Variants in ITGAM observed in about 807,000 individuals in gnomAD.
ITGAM encodes the protein integrin subunit alpha M.
In ITGAM, 79 loss-of-function variants were observed where a neutral mutation model predicts 137.5. That is an observed-to-expected ratio of 0.57 (90% confidence interval 0.48 to 0.69). ITGAM has a LOEUF of 0.69. ITGAM is among the 30% of genes least tolerant of loss of function. The pLI is 0.00. For synonymous variants in ITGAM, 583 were observed against 592.3 expected (o/e 0.98, Z 0.23); for missense variants, 1,343 against 1,483.5 (o/e 0.91, Z 1.56).
At position 31,266,131 on chromosome 16, in the gene ITGAM, C is replaced by T; in HGVS notation, c.411C>T (p.Phe137=). 6.2e-7 allele frequency: 1 copy of T among 1,613,354 alleles called. No homozygotes were observed. Among genetic ancestry groups the T allele is most frequent in the Non-Finnish European group, 8.5e-7 (1 of 1,179,570 alleles). ...ACCTACGGCAGCAGCCCCAGAAGTT[C>T]CCAGAGGCCCTCCGAGGTGGGTTGC... The part of the protein sequence containing the change: ...GSNLRQQPQK[F]PEALRGCPQE... The change falls in exon 5 of 30, where the codon TTC becomes TTT. Residue 137 remains phenylalanine (F), a synonymous_variant. Transcript: ENST00000544665.
chr16:31,295,579 A>G (rs2080124923), intron 12 of ITGAM, among the ~76,000 whole-genome samples: 1 of 151,180 alleles, frequency 6.6e-6, no homozygotes, highest in African/African-American at 2.4e-5. Flanking sequence ...TAGTTCTAGT[A>G]GTTCTTTTTT....
intron 14 of ITGAM, among the ~76,000 whole-genome samples, chr16:31,311,496 A>G (rs2080330917): frequency 6.6e-6 from 1 of 152,234 alleles, no homozygotes; most frequent in African/African-American, 2.4e-5. Context: ...ACACTTCTCA[A>G]AAGAAGACAT....
chr16:31,331,056 G>A (rs2080575365), intron 28 of ITGAM, 109 bp from the exon 29 acceptor site: 2 of 637,274 alleles, frequency 3.1e-6, no homozygotes, highest in East Asian at 2.8e-5. Context: ...GGGGTTCTGG[G>A]GGACATGAGG....
At chr16:31,267,178 C>A (rs1258043275) in intron 5 of ITGAM, among the ~76,000 whole-genome samples, 2 of 152,116 alleles carry the variant, frequency 1.3e-5, no homozygotes, top group African/African-American at 2.4e-5. Flanking sequence ...AGCCACCATG[C>A]CTGGCCAGAG....
chr16:31,330,150 A>G lies in ITGAM; in HGVS notation c.3046A>G (p.Lys1016Glu). 3.1e-6 allele frequency: 5 copies of G among 1,613,492 alleles called. No homozygotes were observed. In the South Asian group the frequency reaches 4.4e-5, roughly 14 times the overall value. The part of the protein sequence containing the change: ...SHSDFLAELR[K>E]APVVNCSIAV... ...CTCCGACTTTCTGGCTGAGCTTCGG[A>G]AGGCCCCCGTGGTGGTGAGAAGCTA... The change falls in exon 26 of 30, where the codon AAG becomes GAG. Residue 1016 changes from lysine to glutamate, a missense_variant. By Grantham distance (56) the Lys-to-Glu change is moderately conservative. Coordinates refer to ENST00000544665, the MANE Select transcript of ITGAM (RefSeq NM_000632.4).
chr16:31,331,530 C>CCCG, intron 29 of ITGAM, 106 bp from the exon 30 acceptor site: 10 of 661,364 alleles, frequency 1.5e-5, no homozygotes, highest in East Asian at 5.6e-5. Context: ...CCCCGCCCTC[C>CCCG]TGGGTCCCTT....
intron 1 of ITGAM, among the ~76,000 whole-genome samples, chr16:31,260,753 G>A (rs1024529079): frequency 6.6e-6 from 1 of 152,172 alleles, no homozygotes; most frequent in Non-Finnish European, 1.5e-5. Flanking sequence ...GTGGTTCTTA[G>A]GTCAGGAGTC....
intron 22 of ITGAM, 76 bp downstream of exon 22, chr16:31,327,011 C>G: frequency 9.2e-7 from 1 of 1,089,050 alleles, no homozygotes; most frequent in South Asian, 1.2e-5. Context: ...TGGGCCTTTG[C>G]CCTTTGCCCA....
intron 14 of ITGAM, among the ~76,000 whole-genome samples, chr16:31,314,205 T>G (rs977669592): frequency 6.6e-6 from 1 of 152,232 alleles, no homozygotes; most frequent in African/African-American, 2.4e-5. Context: ...TGATAGTTTC[T>G]TTTGCTGTGC....
chr16:31,267,993 C>A (rs537433420), intron 5 of ITGAM, among the ~76,000 whole-genome samples: 68 of 152,250 alleles, frequency 4.5e-4, no homozygotes, highest in African/African-American at 1.6e-3. Context: ...TAACTTCCCC[C>A]TTCCTCTGGC....
chr16:31,315,550 C>G (rs191701419), intron 14 of ITGAM, among the ~76,000 whole-genome samples: 1 of 151,860 alleles, frequency 6.6e-6, no homozygotes, highest in African/African-American at 2.4e-5. Flanking sequence ...CTCCACCTCC[C>G]GGGTCCCAGC....
At chr16:31,260,883 G>A (rs1397399871) in intron 1 of ITGAM, among the ~76,000 whole-genome samples, 1 of 152,132 alleles carries the variant, frequency 6.6e-6, no homozygotes, top group African/African-American at 2.4e-5. Flanking sequence ...CACCCCCAAA[G>A]AATTCTATTT....
At chr16:31,327,371 G>A (rs1192234907) in intron 22 of ITGAM, among the ~76,000 whole-genome samples, 3 of 150,758 alleles carry the variant, frequency 2.0e-5, no homozygotes, top group Admixed American at 6.6e-5. Flanking sequence ...ACAATTGCTC[G>A]AACCCAGGAG....
intron 11 of ITGAM, among the ~76,000 whole-genome samples, chr16:31,277,731 G>A (rs1417317979): frequency 6.6e-6 from 1 of 152,126 alleles, no homozygotes; most frequent in African/African-American, 2.4e-5. Context: ...GACCTCAGGT[G>A]ATCCGCCTGT....
intron 21 of ITGAM, 30 bp downstream of exon 21, chr16:31,325,652 T>A (rs1350415569): frequency 6.3e-7 from 1 of 1,594,990 alleles, no homozygotes; most frequent in Admixed American, 1.8e-5. Flanking sequence ...CCCCTCCTTT[T>A]CTCTTTGATT....
intron 14 of ITGAM, among the ~76,000 whole-genome samples, chr16:31,302,024 C>A (rs564491058): frequency 1.5e-4 from 23 of 152,100 alleles, no homozygotes; most frequent in African/African-American, 5.3e-4. Context: ...CAAAAATTAA[C>A]CCTGACAAAA....
intron 14 of ITGAM, 131 bp downstream of exon 14, chr16:31,298,085 T>A: frequency 1.3e-6 from 1 of 785,340 alleles, no homozygotes; most frequent in Non-Finnish European, 2.1e-6. Context: ...TAATAACATG[T>A]GGCTGGGCCT....
intron 12 of ITGAM, among the ~76,000 whole-genome samples, chr16:31,290,016 G>T (rs2080070641): frequency 1.3e-5 from 2 of 150,604 alleles, no homozygotes; most frequent in East Asian, 3.9e-4. Context: ...GGGAGGCAGA[G>T]GTTATGGTGA....
rs567103566 is a variant in ITGAM at position 31,283,744 on chromosome 16, C to T, written c.1356+5635C>T. Among the ~76,000 whole-genome samples the T allele has an allele frequency of 9.9e-4, 151 of 152,338 alleles. 2 individuals carry two copies. Among genetic ancestry groups the T allele is most frequent in the African/African-American group, 3.4e-3 (141 of 41,574 alleles). On this transcript the variant is annotated intron_variant, in intron 12 of 29. Transcript: ENST00000544665. ...CTCTCAACTCGTTAAAGTCATTCTC[C>T]GTCCAGCTTCGTTCCATTGCTGGTG... is the stretch of plus-strand genomic sequence containing the variant.
Sources: gnomAD v4.1 joint callset for allele counts (sites outside exome capture counted in the v4.1 genomes callset) on GRCh38, gnomAD v4.1.1 for gene constraint, MANE v1.5 for transcripts, NCBI Gene and HGNC (gene_info 2026-07-23, HGNC 2026-07-21) for gene names.